The following SDSL variants were observed in gnomAD, a reference collection of about 807,000 sequenced individuals.
SDSL encodes the protein serine dehydratase like.
SDSL carries 26 observed loss-of-function variants against 27.6 expected under a neutral mutation model. The observed-to-expected ratio is 0.94, with a 90% CI of 0.69 to 1.31. The LOEUF (loss-of-function observed/expected upper bound fraction) is 1.31. Among genes scored for constraint, SDSL ranks in the 50% most tolerant of loss-of-function variants. SDSL has a pLI of 0.00. For synonymous variants in SDSL, 196 were observed against 180.6 expected (o/e 1.09, Z -0.69); for missense variants, 431 against 423.5 (o/e 1.02, Z -0.16).
chr12:113,429,330 G>T (rs368285481), intron 4 of SDSL, 31 bp downstream of exon 4: 2 of 1,588,224 alleles, frequency 1.3e-6, no homozygotes, highest in South Asian at 2.2e-5. Flanking sequence ...AGAACCATCT[G>T]GGTGGGCTGC....
chr12:113,435,266 C>A, intron 5 of SDSL, 63 bp from the exon 6 acceptor site: 1 of 1,189,336 alleles, frequency 8.4e-7, no homozygotes, highest in Non-Finnish European at 1.2e-6. Flanking sequence ...TCCCCCACCA[C>A]AGGAGCCATC....
chr12:113,426,302 A>C, intron 1 of SDSL: 1 of 455,352 alleles, frequency 2.2e-6, no homozygotes, highest in Non-Finnish European at 4.4e-6. Flanking sequence ...GAACGTACAG[A>C]TGGAGGCAGA....
chr12:113,430,166 G>T (rs891530626), intron 4 of SDSL, among the ~76,000 whole-genome samples: 2 of 151,704 alleles, frequency 1.3e-5, no homozygotes, highest in Non-Finnish European at 2.9e-5. Flanking sequence ...ATCAGATATT[G>T]ATTGAGCACA....
chr12:113,430,053 C>T (rs1036059337), intron 4 of SDSL, among the ~76,000 whole-genome samples: 1 of 149,356 alleles, frequency 6.7e-6, no homozygotes, highest in African/African-American at 2.5e-5. Flanking sequence ...TCCTTCCTTC[C>T]ATTTATTCAT....
intron 1 of SDSL, among the ~76,000 whole-genome samples, chr12:113,425,094 A>C (rs1420981795): frequency 1.3e-5 from 2 of 152,116 alleles, no homozygotes; most frequent in African/African-American, 2.4e-5. Context: ...TTTTATCCCC[A>C]TTTTAGAGAA....
intron 1 of SDSL, among the ~76,000 whole-genome samples, chr12:113,426,872 G>A (rs1957857034): frequency 6.6e-6 from 1 of 152,162 alleles, no homozygotes; most frequent in Non-Finnish European, 1.5e-5. Context: ...CTGAGAGGTC[G>A]AGGCTGCAGA....
intron 7 of SDSL, 190 bp downstream of exon 7, chr12:113,437,065 T>A (rs747514702): frequency 4.4e-6 from 2 of 453,486 alleles, no homozygotes; most frequent in Non-Finnish European, 7.4e-6. Flanking sequence ...TCTTGCTGTC[T>A]CTAGCCCCCA....
rs1593317874 is a variant in SDSL at position 113,437,869 on chromosome 12, T to C, written c.797-17T>C. ...TTCTTCCCTTTCCTTCCTCTCTCCA[T>C]CCCCCGATCCTGGCAGATGATGAGC... On this transcript the variant is annotated splice_polypyrimidine_tract_variant and intron_variant, in intron 7 of 7. Coordinates refer to ENST00000403593, the MANE Select transcript of SDSL (RefSeq NM_001304993.2). The C allele has an allele frequency of 1.3e-6, 2 of 1,575,258 alleles. No homozygotes were observed. Among genetic ancestry groups the C allele is most frequent in the Non-Finnish European group, 1.7e-6 (2 of 1,160,606 alleles).
At chr12:113,437,393 T>C (rs1396725099) in intron 7 of SDSL, among the ~76,000 whole-genome samples, 3 of 152,182 alleles carry the variant, frequency 2.0e-5, no homozygotes, top group Non-Finnish European at 4.4e-5. Flanking sequence ...AAGGGATGAA[T>C]ATATGAGTGA....
chr12:113,427,262 C>A (rs1295241125), intron 1 of SDSL: 2 of 152,378 alleles, frequency 1.3e-5, no homozygotes, highest in Non-Finnish European at 2.9e-5. Context: ...GTGTGTGTAC[C>A]ATCATGCCTG....
chr12:113,433,013 T>G (rs1164084231), intron 4 of SDSL, among the ~76,000 whole-genome samples: 1 of 152,236 alleles, frequency 6.6e-6, no homozygotes, highest in Admixed American at 6.5e-5. Flanking sequence ...ATGGTTTATT[T>G]TCCTTTGGGT....
chr12:113,433,734 C>T (rs909053106), intron 4 of SDSL, among the ~76,000 whole-genome samples: 4 of 152,174 alleles, frequency 2.6e-5, no homozygotes, highest in African/African-American at 7.2e-5. Flanking sequence ...TGGGCCATTG[C>T]TGGTTTCCAC....
intron 4 of SDSL, among the ~76,000 whole-genome samples, chr12:113,429,971 CTCCCTCCCTCCCTCCT>C (rs1289678637): frequency 2.7e-5 from 4 of 145,972 alleles, no homozygotes; most frequent in Non-Finnish European, 6.1e-5. Context: ...TCCCTCTTCC[CTCCCTCCCTCCCTCCT>C]TCCCTCCCTC....
At chr12:113,425,272 G>C (rs1395103857) in intron 1 of SDSL, among the ~76,000 whole-genome samples, 1 of 152,144 alleles carries the variant, frequency 6.6e-6, no homozygotes, top group Non-Finnish European at 1.5e-5. Flanking sequence ...GATCAGTGAT[G>C]ACCCATGGGC....
Position 113,428,470 on chromosome 12 carries a change from C to G in SDSL, c.214+11C>G. 6.2e-7 allele frequency: 1 copy of G among 1,610,184 alleles called. No individual in the cohort carries two copies. The highest frequency in any genetic ancestry group is 8.5e-7 in the Non-Finnish European group (1 of 1,178,832). ...TGGTGTGCTCCTCAGGTGACCCCAC[C>G]TTTTTTTGTTTCATGGGCAGAGGTT... On this transcript the variant is annotated intron_variant, in intron 3 of 7. Transcript: ENST00000403593.
intron 6 of SDSL, 100 bp downstream of exon 6, chr12:113,435,656 G>T (rs1049853469): frequency 4.2e-6 from 4 of 962,412 alleles, no homozygotes; most frequent in East Asian, 2.5e-5. Context: ...GCACCCAAAA[G>T]GCTGTCCTTG....
Position 113,435,403 on chromosome 12 carries a change from T to C in SDSL, c.518T>C (p.Val173Ala). The C allele has an allele frequency of 1.2e-6, 2 of 1,611,398 alleles. No individual in the cohort carries two copies. The highest frequency in any genetic ancestry group is 1.7e-6 in the Non-Finnish European group (2 of 1,178,916). The change falls in exon 6 of 8, where the codon GTT (valine) becomes GCT (alanine). Residue 173 changes from valine (V) to alanine (A), a missense_variant. By Grantham distance (64) the Val-to-Ala change is moderately conservative. Transcript: ENST00000403593. ...RTPPGALVLA[V>A]GGGGLLAGVV... ...CCACCAGGTGCCCTGGTGCTGGCAG[T>C]TGGGGGTGGGGGTCTCCTGGCCGGG...
intron 3 of SDSL, 23 bp from the exon 4 acceptor site, chr12:113,429,137 C>T (rs190193566): frequency 7.2e-5 from 115 of 1,603,630 alleles, no homozygotes; most frequent in Middle Eastern, 3.9e-4. Flanking sequence ...CTGCCCACTG[C>T]CCCTTTCCTC....
rs1263622503 is a variant in SDSL at position 113,429,878 on chromosome 12, T to G, written c.354+579T>G. 3.3e-5 allele frequency among the ~76,000 whole-genome samples: 5 copies of G among 152,184 alleles called. No individual in the cohort carries two copies. The East Asian group carries it at 9.7e-4, about 29-fold the overall frequency. On this transcript the variant is annotated intron_variant, in intron 4 of 7. Coordinates refer to ENST00000403593, the MANE Select transcript of SDSL (RefSeq NM_001304993.2). Reference sequence around the variant, plus strand: ...GTACGTTAAAGCTGGTCCCAAATACTTCCTGTATATAGTTTCTTCCCTTTC... The same window carrying G: ...GTACGTTAAAGCTGGTCCCAAATACGTCCTGTATATAGTTTCTTCCCTTTC...
Sources: gnomAD v4.1 joint callset for allele counts (sites outside exome capture counted in the v4.1 genomes callset) on GRCh38, gnomAD v4.1.1 for gene constraint, MANE v1.5 for transcripts, NCBI Gene and HGNC (gene_info 2026-07-23, HGNC 2026-07-21) for gene names.